The following SYNCRIP variants were observed in gnomAD, a reference collection of about 807,000 sequenced individuals.
The protein encoded by SYNCRIP is heterogeneous nuclear ribonucleoprotein Q.
A neutral mutation model predicts 68.9 loss-of-function variants in SYNCRIP; 9 were observed. The ratio of observed to expected loss-of-function variants is 0.13; its 90% CI spans 0.08 to 0.23. The LOEUF is 0.23. SYNCRIP is among the 10% of genes least tolerant of loss of function. SYNCRIP has a pLI of 1.00. For missense variants in SYNCRIP, 414 were observed against 770.6 expected (o/e 0.54, Z 5.48); for synonymous variants, 258 against 254.0 (o/e 1.02, Z -0.15).
chr6:85,627,327 C>T (rs902438177), intron 6 of SYNCRIP, among the ~76,000 whole-genome samples: 7 of 150,434 alleles, frequency 4.7e-5, no homozygotes, highest in African/African-American at 1.7e-4. Flanking sequence ...AGAGAGTCAA[C>T]TGGCTCTCCA....
At chr6:85,624,664 T>G (rs1309399741) in intron 6 of SYNCRIP, among the ~76,000 whole-genome samples, 2 of 152,230 alleles carry the variant, frequency 1.3e-5, no homozygotes, top group African/African-American at 4.8e-5. Context: ...GAAGTAGATT[T>G]GTCATGGCAA....
At chr6:85,613,638 A>G (rs1251055590), downstream of SYNCRIP, among the ~76,000 whole-genome samples, 1 of 152,230 alleles carries the variant, frequency 6.6e-6, no homozygotes, top group African/African-American at 2.4e-5. Context: ...TTTATCCTTC[A>G]GATATATATT....
chr6:85,641,588 C>T (rs1401991069), intron 1 of SYNCRIP, 137 bp from the exon 2 acceptor site: 2 of 835,566 alleles, frequency 2.4e-6, no homozygotes. Context: ...GCCTTACAGT[C>T]ACTATCGCCT....
intron 6 of SYNCRIP, among the ~76,000 whole-genome samples, chr6:85,628,746 CTTAACT>C (rs1349739214): frequency 6.6e-6 from 1 of 152,192 alleles, no homozygotes; most frequent in Non-Finnish European, 1.5e-5. Context: ...AGTGTAAATA[CTTAACT>C]TTAGTCAATT....
chr6:85,608,680 T>G (rs1805009780), exon 12 of SYNCRIP: 1 of 152,078 alleles, frequency 6.6e-6, no homozygotes, highest in Non-Finnish European at 1.5e-5. Context: ...TACAAGCTTT[T>G]GTTTCTCAAT....
At chr6:85,619,018 T>TC in intron 9 of SYNCRIP, 79 bp from the exon 10 acceptor site, 1 of 1,430,008 alleles carries the variant, frequency 7.0e-7, no homozygotes, top group Non-Finnish European at 9.7e-7. Context: ...ATATCATTTA[T>TC]CATTAATGTG....
chr6:85,619,102 C>T (rs1468477932), intron 9 of SYNCRIP, among the ~76,000 whole-genome samples, 163 bp from the exon 10 acceptor site: 3 of 152,160 alleles, frequency 2.0e-5, no homozygotes, highest in African/African-American at 2.4e-5. Flanking sequence ...AATTATTTTT[C>T]ATTTTTACTT....
At chr6:85,623,650 TCTA>T (rs898035116) in intron 7 of SYNCRIP, among the ~76,000 whole-genome samples, 1 of 150,376 alleles carries the variant, frequency 6.6e-6, no homozygotes, top group Non-Finnish European at 1.5e-5. Flanking sequence ...TTCAAACAAT[TCTA>T]CTAAGAACAT....
At position 85,619,301 on chromosome 6, in the gene SYNCRIP, G is replaced by A. The variant is rs1212499739; in HGVS notation, c.1125C>T (p.Phe375=). The A allele has an allele frequency of 2.5e-6, 4 of 1,613,844 alleles. No homozygotes were observed. Among genetic ancestry groups the A allele is most frequent in the Non-Finnish European group, 3.4e-6 (4 of 1,179,966 alleles). Residue 375 remains phenylalanine (F), a synonymous_variant, in exon 9 of 11, where the codon TTC becomes TTT. Transcript: ENST00000369622. Reference sequence around the variant, plus strand: ...CACCATCTCGCTCATCAAAATGAATGAACGCATAATCTTTTAACTTCTTCA... The same window carrying A: ...CACCATCTCGCTCATCAAAATGAATAAACGCATAATCTTTTAACTTCTTCA... ...ERVKKLKDYA[F]IHFDERDGAV...
intron 10 of SYNCRIP, among the ~76,000 whole-genome samples, chr6:85,616,675 CCT>C (rs1805813737): frequency 6.6e-6 from 1 of 152,122 alleles, no homozygotes. Context: ...ATTAAAGGCC[CCT>C]GTTCCAACTG....
downstream of SYNCRIP, chr6:85,609,350 T>C (rs757265480): frequency 2.0e-5 from 3 of 151,966 alleles, no homozygotes; most frequent in Non-Finnish European, 2.9e-5. Flanking sequence ...TCTGAATGTG[T>C]CAATTTTTGC....
chr6:85,623,579 A>AAAAAAAAAAAAAAAAAAAAC (rs1554184894), intron 7 of SYNCRIP, among the ~76,000 whole-genome samples: 61 of 125,866 alleles, frequency 4.8e-4, no homozygotes, highest in East Asian at 1.1e-3. Context: ...AAAAAAAAAA[A>AAAAAAAAAAAAAAAAAAAAC]AAAACACTCT....
intron 6 of SYNCRIP, among the ~76,000 whole-genome samples, chr6:85,627,207 G>A (rs930818969): frequency 4.0e-5 from 6 of 150,182 alleles, no homozygotes; most frequent in African/African-American, 1.5e-4. Flanking sequence ...GGCAGGGGTT[G>A]CAGTGAGCCC....
chr6:85,642,982 C>A (rs1809393362), upstream of SYNCRIP: 1 of 151,774 alleles, frequency 6.6e-6, no homozygotes, highest in Non-Finnish European at 1.5e-5. Flanking sequence ...TGCGCGCGCG[C>A]GCCCCCGCGT....
chr6:85,623,381 T>C (rs1037892554), intron 7 of SYNCRIP, among the ~76,000 whole-genome samples: 1 of 151,842 alleles, frequency 6.6e-6, no homozygotes, highest in African/African-American at 2.4e-5. Flanking sequence ...CTGGCCAATA[T>C]GGTGAAACCC....
At chr6:85,610,398 C>T (rs1805147197), downstream of SYNCRIP, 1 of 151,918 alleles carries the variant, frequency 6.6e-6, no homozygotes, top group South Asian at 2.1e-4. Context: ...GTTTACATTA[C>T]CCTTCTTTAA....
chr6:85,631,682 A>T (rs1427969191), intron 6 of SYNCRIP, among the ~76,000 whole-genome samples: 1 of 152,256 alleles, frequency 6.6e-6, no homozygotes, highest in Non-Finnish European at 1.5e-5. Flanking sequence ...ACACTACCTA[A>T]ACCACTACAT....
exon 12 of SYNCRIP, chr6:85,608,877 C>CT (rs1380172995): frequency 6.6e-6 from 1 of 151,920 alleles, no homozygotes; most frequent in Non-Finnish European, 1.5e-5. Context: ...GTCTTAAATA[C>CT]TTTTAAAAAG....
intron 10 of SYNCRIP, 68 bp downstream of exon 10, chr6:85,618,748 CCT>C (rs1419215053): frequency 4.5e-6 from 6 of 1,334,354 alleles, no homozygotes; most frequent in Non-Finnish European, 6.2e-6. Flanking sequence ...CTGATCAACA[CCT>C]GTTATTTTCC....
Sources: gnomAD v4.1 joint callset for allele counts (sites outside exome capture counted in the v4.1 genomes callset) on GRCh38, gnomAD v4.1.1 for gene constraint, MANE v1.5 for transcripts, NCBI Gene and HGNC (gene_info 2026-07-23, HGNC 2026-07-21) for gene names.